The following SGCZ variants were observed in gnomAD, a reference collection of about 807,000 sequenced individuals.
The protein encoded by SGCZ is sarcoglycan zeta, also known as zeta-sarcoglycan.
Under a neutral mutation model 41.3 loss-of-function variants are expected in SGCZ, and 40 were observed. The ratio of observed to expected loss-of-function variants is 0.97; its 90% CI spans 0.75 to 1.26. The LOEUF is 1.26. Among genes scored for constraint, SGCZ ranks in the 50% most tolerant of loss-of-function variants. SGCZ has a pLI of 0.00. For synonymous variants in SGCZ, 206 were observed against 137.5 expected, an observed-to-expected ratio of 1.50 and a Z score of -3.49; for missense variants, 552 against 369.8, an observed-to-expected ratio of 1.49 and a Z score of -4.04.
intron 4 of SGCZ, among the ~76,000 whole-genome samples, chr8:14,190,014 C>CTTTTTTTTTTTTTTTTTTT (rs71304966): frequency 1.0e-5 from 1 of 100,202 alleles, no homozygotes; most frequent in African/African-American, 3.5e-5. Context: ...TTCTTTCTTT[C>CTTTTTTTTTTTTTTTTTTT]TTTTTTTTTT....
At chr8:14,686,251 G>C (rs1283442456) in intron 1 of SGCZ, among the ~76,000 whole-genome samples, 1 of 151,914 alleles carries the variant, frequency 6.6e-6, no homozygotes, top group African/African-American at 2.4e-5. Context: ...TTATAGAAAG[G>C]ATATCCAAAT....
chr8:14,660,638 A>G (rs1323356737), intron 1 of SGCZ, among the ~76,000 whole-genome samples: 3 of 151,702 alleles, frequency 2.0e-5, no homozygotes, highest in Non-Finnish European at 4.4e-5. Flanking sequence ...TAGAGGCTTC[A>G]GGAAAGGTCT....
chr8:14,388,062 G>A (rs1282879464), intron 2 of SGCZ, among the ~76,000 whole-genome samples: 1 of 152,060 alleles, frequency 6.6e-6, no homozygotes, highest in East Asian at 1.9e-4. Flanking sequence ...GTAGGAGTAA[G>A]ATATTCAGGA....
intron 1 of SGCZ, among the ~76,000 whole-genome samples, chr8:15,204,696 C>T (rs974843070): frequency 2.0e-5 from 3 of 152,170 alleles, no homozygotes; most frequent in Non-Finnish European, 2.9e-5. Context: ...CCCTTCCAGA[C>T]TTATCTTTGC....
At position 15,236,929 on chromosome 8, in the gene SGCZ, G is replaced by A. The variant is rs572956596; in HGVS notation, c.39+656C>T. Among the ~76,000 whole-genome samples the A allele has an allele frequency of 8.7e-3, 1,324 of 152,246 alleles. 22 individuals carry two copies. The highest frequency in any genetic ancestry group is 0.03 in the African/African-American group (1,232 of 41,566). On this transcript the variant is annotated intron_variant, in intron 1 of 7. Transcript: ENST00000382080. Reference sequence around the variant, plus strand: ...CTCCCCGCCCCCTGCCCGAGTCCCCGGACCTGCTCCCGCGCCTGGGGCTAG... The same window carrying A: ...CTCCCCGCCCCCTGCCCGAGTCCCCAGACCTGCTCCCGCGCCTGGGGCTAG...
chr8:14,694,075 A>T (rs756093772), intron 1 of SGCZ, among the ~76,000 whole-genome samples: 7 of 152,186 alleles, frequency 4.6e-5, no homozygotes, highest in Non-Finnish European at 7.3e-5. Flanking sequence ...AAATCTACTT[A>T]TATTAATATT....
chr8:14,669,998 C>A lies in SGCZ; in HGVS notation c.40-115072G>T, dbSNP rs147013207. On this transcript the variant is annotated intron_variant, in intron 1 of 7. Transcript: ENST00000382080. ...TATTAAACAGCATATACAAGTACAGCATGATATTTTGGAAGCAATAACTAA... is the reference window on the plus strand; with the variant it reads ...TATTAAACAGCATATACAAGTACAGAATGATATTTTGGAAGCAATAACTAA... Among the ~76,000 whole-genome samples, 182 of 152,294 alleles carry A rather than the reference C, an allele frequency of 1.2e-3. 1 individual carries two copies. Among genetic ancestry groups the A allele is most frequent in the African/African-American group, 4.3e-3 (177 of 41,576 alleles).
At chr8:14,705,743 T>C (rs1001762568) in intron 1 of SGCZ, among the ~76,000 whole-genome samples, 22 of 152,186 alleles carry the variant, frequency 1.4e-4, no homozygotes, top group African/African-American at 5.3e-4. Flanking sequence ...TAGAACATAG[T>C]AAAAACATCT....
At chr8:14,296,076 A>C (rs892961527) in intron 3 of SGCZ, among the ~76,000 whole-genome samples, 1 of 152,146 alleles carries the variant, frequency 6.6e-6, no homozygotes, top group African/African-American at 2.4e-5. Flanking sequence ...AATTGAGACC[A>C]CAGAAAAGCC....
intron 1 of SGCZ, among the ~76,000 whole-genome samples, chr8:14,771,280 G>A (rs1021470329): frequency 4.6e-5 from 7 of 152,028 alleles, no homozygotes; most frequent in Non-Finnish European, 1.0e-4. Flanking sequence ...GAGAGGGAAA[G>A]AAATAAACAA....
intron 1 of SGCZ, among the ~76,000 whole-genome samples, chr8:14,912,737 C>A (rs1032540614): frequency 2.6e-5 from 4 of 152,056 alleles, no homozygotes; most frequent in Admixed American, 1.3e-4. Context: ...AAATTTGATG[C>A]ACCACTCTTT....
At chr8:14,430,595 A>T (rs930427576) in intron 2 of SGCZ, among the ~76,000 whole-genome samples, 11 of 152,146 alleles carry the variant, frequency 7.2e-5, no homozygotes, top group African/African-American at 2.7e-4. Context: ...ATAATACGGA[A>T]TGGGGAAAAG....
intron 2 of SGCZ, among the ~76,000 whole-genome samples, chr8:14,343,741 G>A (rs531673090): frequency 1.6e-4 from 25 of 152,066 alleles, no homozygotes; most frequent in African/African-American, 3.1e-4. Context: ...TCATGTCATC[G>A]CCAACCTTAA....
At chr8:15,066,023 C>G (rs1222545157) in intron 1 of SGCZ, among the ~76,000 whole-genome samples, 1 of 152,176 alleles carries the variant, frequency 6.6e-6, no homozygotes, top group Non-Finnish European at 1.5e-5. Flanking sequence ...AGAAGTCCAC[C>G]TTGGGCCGGG....
At chr8:14,184,211 C>T (rs1241348516) in intron 4 of SGCZ, among the ~76,000 whole-genome samples, 2 of 141,586 alleles carry the variant, frequency 1.4e-5, no homozygotes, top group African/African-American at 3.0e-5. Context: ...GGATTTTGAT[C>T]TGAGTGTAGT....
intron 1 of SGCZ, among the ~76,000 whole-genome samples, chr8:15,106,420 A>T (rs1806826643): frequency 1.3e-5 from 2 of 152,054 alleles, no homozygotes; most frequent in Admixed American, 1.3e-4. Context: ...AATCTCATTC[A>T]TATACTTTAA....
intron 1 of SGCZ, among the ~76,000 whole-genome samples, chr8:14,747,344 A>G (rs1407967801): frequency 6.6e-6 from 1 of 152,154 alleles, no homozygotes; most frequent in Non-Finnish European, 1.5e-5. Flanking sequence ...CTGAAGCTTT[A>G]AGATTTAAAA....
intron 1 of SGCZ, among the ~76,000 whole-genome samples, chr8:15,066,814 C>G (rs887448488): frequency 2.6e-5 from 4 of 152,252 alleles, no homozygotes; most frequent in Middle Eastern, 3.4e-3. Context: ...AAAGTTGACA[C>G]TAAGCCCAAT....
intron 1 of SGCZ, among the ~76,000 whole-genome samples, chr8:14,956,841 C>A (rs1250424547): frequency 1.3e-5 from 2 of 152,090 alleles, no homozygotes; most frequent in African/African-American, 4.8e-5. Context: ...TTCTACCAGT[C>A]TTCTACTTTT....
Sources: allele counts gnomAD v4.1 joint callset (sites outside exome capture counted in the v4.1 genomes callset), GRCh38; gene constraint gnomAD v4.1.1; transcripts MANE v1.5; gene names NCBI Gene and HGNC (gene_info 2026-07-23, HGNC 2026-07-21).